INO80: variants seen among roughly 807,000 people sequenced by gnomAD.
INO80 encodes the protein chromatin-remodeling ATPase INO80.
Under a neutral mutation model 203.4 loss-of-function variants are expected in INO80, and 20 were observed. That is an observed-to-expected ratio of 0.10 (90% CI 0.07 to 0.14). The LOEUF is 0.14. Ranked by LOEUF, INO80 falls within the 10% of genes least tolerant of loss-of-function variation. The pLI, the probability that INO80 is intolerant of heterozygous loss-of-function variation, is 1.00. For synonymous variants in INO80, 726 were observed against 685.2 expected (o/e 1.06, Z -0.93); for missense variants, 1,419 against 1,914.4 (o/e 0.74, Z 4.83).
At chr15:41,056,735 T>C (rs1334818444) in intron 16 of INO80, 29 bp from the exon 17 acceptor site, 1 of 1,584,760 alleles carries the variant, frequency 6.3e-7, no homozygotes, top group Non-Finnish European at 8.7e-7. Context: ...TACAAATTCA[T>C]GTTAGCAATA....
At chr15:41,106,426 T>C (rs145794791) in intron 1 of INO80, among the ~76,000 whole-genome samples, 48 of 148,300 alleles carry the variant, frequency 3.2e-4, no homozygotes, top group African/African-American at 1.1e-3. Flanking sequence ...AAAATTAGAT[T>C]AGCTGTGCAT....
At chr15:41,058,482 G>A (rs1351554138) in intron 16 of INO80, among the ~76,000 whole-genome samples, 157 bp downstream of exon 16, 1 of 152,100 alleles carries the variant, frequency 6.6e-6, no homozygotes, top group Non-Finnish European at 1.5e-5. Flanking sequence ...GCAGCAAAGC[G>A]AGACCTTGTC....
chr15:41,110,613 T>C (rs1239340307), intron 1 of INO80, among the ~76,000 whole-genome samples: 2 of 152,128 alleles, frequency 1.3e-5, no homozygotes, highest in African/African-American at 2.4e-5. Context: ...TAATTTTTTG[T>C]AGAGATGGGG....
chr15:41,019,708 G>C (rs2044261000), intron 26 of INO80: 1 of 152,222 alleles, frequency 6.6e-6, no homozygotes, highest in Admixed American at 6.5e-5. Context: ...CTTTAAGTCA[G>C]CTACAAGGCC....
intron 14 of INO80, among the ~76,000 whole-genome samples, chr15:41,064,176 A>T (rs1191546835): frequency 5.3e-5 from 8 of 152,242 alleles, no homozygotes; most frequent in Admixed American, 5.2e-4. Flanking sequence ...ACTGCAATGA[A>T]TAAGGGCAGA....
In INO80 at chr15:40,982,955, C is replaced by A. The variant is rs1166267213; in HGVS notation, c.4360G>T (p.Ala1454Ser). 2 of 1,614,202 alleles carry A rather than the reference C, an allele frequency of 1.2e-6. No homozygotes were observed. Among genetic ancestry groups the A allele is most frequent in the Non-Finnish European group, 1.7e-6 (2 of 1,180,040 alleles). Reference sequence around the variant, plus strand: ...CCTGCCATTGCAGCAGCACTGCCTGCCGTGGACTTTCGGCTCCGGCCCTTC... The same window carrying A: ...CCTGCCATTGCAGCAGCACTGCCTGACGTGGACTTTCGGCTCCGGCCCTTC... ...AGKGRSRKSTAGSAAAMAGAK... is the reference protein window; with the variant it reads ...AGKGRSRKSTSGSAAAMAGAK... The change falls in exon 35 of 36, where the codon GCA (alanine) becomes TCA (serine). Residue 1454 changes from alanine (A) to serine (S), a missense_variant. Physicochemically the swap from Ala to Ser is moderately conservative, Grantham distance 99. Coordinates refer to ENST00000648947, the MANE Select transcript of INO80 (RefSeq NM_017553.3).
chr15:40,983,521 A>G (rs1364786411), intron 34 of INO80, among the ~76,000 whole-genome samples: 1 of 152,240 alleles, frequency 6.6e-6, no homozygotes, highest in Non-Finnish European at 1.5e-5. Context: ...AAAAGCTAAC[A>G]TTAATTAAAA....
At chr15:41,099,757 G>A (rs906145553) in intron 1 of INO80, among the ~76,000 whole-genome samples, 4 of 150,752 alleles carry the variant, frequency 2.7e-5, no homozygotes, top group African/African-American at 9.8e-5. Context: ...ACTCCAGCCT[G>A]CATAACAGAG....
Position 41,027,865 on chromosome 15 carries a change from TAAAC to T in INO80, c.2908-133_2908-130del, listed in dbSNP as rs1310480560. The T allele has an allele frequency of 2.6e-5, 16 of 623,700 alleles. No individual in the cohort carries two copies. In the East Asian group the frequency reaches 3.8e-4, roughly 15 times the overall value. The allele number at this position is 623,700 out of a possible 1,614,324, so 38.6% of individuals were successfully genotyped here. ...TCCCTGTAAATACTATTAATTCTAA[TAAAC>T]AACCACTAATTAGAACCAAGTATAT... On this transcript the variant is annotated intron_variant, in intron 24 of 35. Coordinates refer to ENST00000648947, the MANE Select transcript of INO80 (RefSeq NM_017553.3).
At chr15:41,038,511 ACAAT>A (rs1224279718) in intron 24 of INO80, among the ~76,000 whole-genome samples, 1 of 152,088 alleles carries the variant, frequency 6.6e-6, no homozygotes, top group Non-Finnish European at 1.5e-5. Flanking sequence ...ATCTGTACTC[ACAAT>A]CAAAGAGTTC....
chr15:41,035,472 G>A (rs1417598411), intron 24 of INO80, among the ~76,000 whole-genome samples: 1 of 151,512 alleles, frequency 6.6e-6, no homozygotes, highest in Non-Finnish European at 1.5e-5. Context: ...GTTGTAGTGA[G>A]CCATGACTAT....
At chr15:41,051,889 C>T (rs557381372) in intron 19 of INO80, among the ~76,000 whole-genome samples, 304 of 152,090 alleles carry the variant, frequency 2.0e-3, no homozygotes, top group African/African-American at 6.6e-3. Flanking sequence ...ATCCGGCAGG[C>T]GGAGGTTGCA....
chr15:41,083,707 C>T (rs567453529), intron 7 of INO80, among the ~76,000 whole-genome samples: 9 of 127,866 alleles, frequency 7.0e-5, no homozygotes, highest in Non-Finnish European at 1.3e-4. Flanking sequence ...GACGAGACTC[C>T]GTCTCAAAAA....
At chr15:41,037,713 C>T (rs572134592) in intron 24 of INO80, among the ~76,000 whole-genome samples, 5 of 151,760 alleles carry the variant, frequency 3.3e-5, no homozygotes, top group South Asian at 2.1e-4. Flanking sequence ...AAGGCCGAGG[C>T]GAGAGGATCA....
In INO80 at chr15:41,005,200, CAA is replaced by C. The variant is rs66849866; in HGVS notation, c.3497+391_3497+392del. 1.6e-4 allele frequency: 13 copies of C among 80,066 alleles called. No individual in the cohort carries two copies. In the South Asian group the frequency reaches 1.6e-3, roughly 10 times the overall value. The allele number at this position is 80,066 out of a possible 1,614,324, so 5.0% of individuals were successfully genotyped here. A position where few individuals can be genotyped will look rare whatever the true frequency, so the allele number is the denominator to read the frequency against. ...ACAGGGAGAGACTGTCTCACACACA[CAA>C]AAAAAAAAAAAAAAAAAAAGAAATG... On this transcript the variant is annotated intron_variant, in intron 28 of 35. Transcript: ENST00000648947.
chr15:40,980,689 A>G (rs751503286), intron 35 of INO80, among the ~76,000 whole-genome samples: 43 of 152,208 alleles, frequency 2.8e-4, no homozygotes, highest in Non-Finnish European at 4.4e-4. Context: ...TCATCCACAG[A>G]TGGTAAAATG....
intron 15 of INO80, 100 bp downstream of exon 15, chr15:41,059,767 A>G: frequency 2.7e-6 from 2 of 738,324 alleles, no homozygotes; most frequent in Admixed American, 2.8e-5. Flanking sequence ...AATATATAAT[A>G]GATAAGAAGA....
chr15:41,030,878 G>A (rs2044449357), intron 24 of INO80, among the ~76,000 whole-genome samples: 1 of 151,520 alleles, frequency 6.6e-6, no homozygotes. Flanking sequence ...CACCATATTG[G>A]CCCGGCTGGT....
rs1446059580 is a variant in INO80, at chr15:41,073,455, T to A, written c.1368A>T (p.Glu456Asp). 1 of 1,614,170 alleles carries A rather than the reference T, an allele frequency of 6.2e-7. No homozygotes were observed. The highest frequency in any genetic ancestry group is 8.5e-7 in the Non-Finnish European group (1 of 1,180,010). The change falls in exon 11 of 36, where the codon GAA becomes GAT. Residue 456 changes from glutamate to aspartate, a missense_variant. Physicochemically the swap from Glu to Asp is conservative, Grantham distance 45 (BLOSUM62 2). This residue lies in a region of INO80 where 116 missense variants were observed against 119.5 expected (regional missense o/e 0.97). Transcript: ENST00000648947. ...HFKAQALKNA[E>D]NAYHIHQART... The stretch of plus-strand genomic sequence containing the variant: ...GAGCTTGGTGAATATGGTAAGCATT[T>A]TCAGCATTCTTCAGGGCCTGGGCTT...
Sources: allele counts gnomAD v4.1 joint callset (sites outside exome capture counted in the v4.1 genomes callset), GRCh38; gene constraint gnomAD v4.1.1; regional missense constraint gnomAD v4.1.1; transcripts MANE v1.5; gene names NCBI Gene and HGNC (gene_info 2026-07-23, HGNC 2026-07-21).